Variants in RHEX observed in about 807,000 individuals in gnomAD.
The protein encoded by RHEX is regulator of hemoglobinization and erythroid cell expansion.
Under a neutral mutation model 20.1 loss-of-function variants are expected in RHEX, and 18 were observed. The ratio of observed to expected loss-of-function variants is 0.90; its 90% CI spans 0.62 to 1.33. The LOEUF (loss-of-function observed/expected upper bound fraction) is 1.33, where lower values mean the gene tolerates loss of function less well. Ranked by LOEUF, RHEX falls within the 40% of genes most tolerant of loss-of-function variation. RHEX has a pLI of 0.00. For synonymous variants in RHEX, 87 were observed against 77.1 expected, an observed-to-expected ratio of 1.13 and a Z score of -0.67; for missense variants, 192 against 214.3, an observed-to-expected ratio of 0.90 and a Z score of 0.65.
chr1:206,097,040 G>T (rs1442605737), intron 1 of RHEX, among the ~76,000 whole-genome samples: 1 of 152,118 alleles, frequency 6.6e-6, no homozygotes, highest in African/African-American at 2.4e-5. Flanking sequence ...CTCCAAAAGT[G>T]CTGGGATTAC....
chr1:206,078,369 G>A (rs573368080), intron 1 of RHEX, among the ~76,000 whole-genome samples: 3 of 152,064 alleles, frequency 2.0e-5, no homozygotes, highest in East Asian at 1.9e-4. Flanking sequence ...GTGAGACCTC[G>A]TAGCTACAAA....
chr1:206,099,603 GCTA>G (rs78075843), intron 3 of RHEX, 49 bp from the exon 4 acceptor site: 41,179 of 1,582,336 alleles, frequency 0.026, 745 homozygotes, highest in Admixed American at 0.07. Flanking sequence ...ACAGGCATGA[GCTA>G]CTGCGCCTGG....
chr1:206,070,239 C>T (rs1397334160), intron 1 of RHEX, among the ~76,000 whole-genome samples: 2 of 152,110 alleles, frequency 1.3e-5, no homozygotes, highest in South Asian at 2.1e-4. Context: ...GCCCCTCACC[C>T]GCCTGGCAGG....
intron 3 of RHEX, among the ~76,000 whole-genome samples, chr1:206,098,850 G>A (rs782486884): frequency 2.0e-5 from 3 of 152,084 alleles, no homozygotes; most frequent in Non-Finnish European, 4.4e-5. Context: ...TCCTACCCCC[G>A]GAATCTTTCA....
At chr1:206,060,294 G>T (rs555050700) in intron 1 of RHEX, 30 of 151,970 alleles carry the variant, frequency 2.0e-4, no homozygotes, top group Middle Eastern at 3.4e-3. Context: ...ACAATAAACA[G>T]TAGCTAATAT....
At chr1:206,088,217 C>T (rs545964863) in intron 1 of RHEX, among the ~76,000 whole-genome samples, 7 of 152,204 alleles carry the variant, frequency 4.6e-5, no homozygotes, top group African/African-American at 9.6e-5. Context: ...GAAAGTATAA[C>T]AAATGAAATA....
chr1:206,060,082 T>C (rs1325683008), intron 1 of RHEX, among the ~76,000 whole-genome samples: 1 of 152,144 alleles, frequency 6.6e-6, no homozygotes, highest in Non-Finnish European at 1.5e-5. Flanking sequence ...GAATATACTG[T>C]GTATGAACAC....
At chr1:206,054,134 A>T (rs1461381671) in intron 1 of RHEX, among the ~76,000 whole-genome samples, 2 of 152,232 alleles carry the variant, frequency 1.3e-5, no homozygotes, top group African/African-American at 2.4e-5. Context: ...TTCAAAAAAA[A>T]AAAAAAGTGG....
intron 1 of RHEX, among the ~76,000 whole-genome samples, chr1:206,055,673 A>G (rs1255317285): frequency 6.6e-6 from 1 of 152,278 alleles, no homozygotes; most frequent in Non-Finnish European, 1.5e-5. Context: ...GATAAACTGC[A>G]TCTATTACAC....
At chr1:206,063,015 T>C (rs1253607347) in intron 1 of RHEX, among the ~76,000 whole-genome samples, 1 of 152,154 alleles carries the variant, frequency 6.6e-6, no homozygotes, top group Non-Finnish European at 1.5e-5. Context: ...AAAGCAAGCA[T>C]TCCCTACCCT....
intron 1 of RHEX, among the ~76,000 whole-genome samples, chr1:206,092,308 A>G (rs557350700): frequency 1.3e-5 from 2 of 152,364 alleles, no homozygotes; most frequent in African/African-American, 2.4e-5. Flanking sequence ...ACTATTTCAC[A>G]TAGCTCATCT....
At chr1:206,058,171 T>A (rs1171769462) in intron 1 of RHEX, among the ~76,000 whole-genome samples, 1 of 152,248 alleles carries the variant, frequency 6.6e-6, no homozygotes, top group Non-Finnish European at 1.5e-5. Flanking sequence ...TGGAAATTGG[T>A]TCCCAGCAAT....
chr1:206,083,663 T>C (rs1231866925), intron 1 of RHEX: 1 of 982,932 alleles, frequency 1.0e-6, no homozygotes, highest in Non-Finnish European at 1.2e-6. Flanking sequence ...AAGTACTGTC[T>C]ATGGAGACAG....
At chr1:206,083,549 C>G in intron 1 of RHEX, 2 of 985,376 alleles carry the variant, frequency 2.0e-6, no homozygotes, top group Non-Finnish European at 2.4e-6. Context: ...TCCAGTGACA[C>G]AGAAGCTTCT....
intron 1 of RHEX, among the ~76,000 whole-genome samples, chr1:206,078,724 G>A (rs1230413207): frequency 6.6e-6 from 1 of 152,162 alleles, no homozygotes; most frequent in Non-Finnish European, 1.5e-5. Flanking sequence ...TGTATGGAGT[G>A]AGACTTTTAA....
intron 1 of RHEX, among the ~76,000 whole-genome samples, chr1:206,084,969 C>T (rs1553286300): frequency 1.3e-5 from 2 of 152,090 alleles, no homozygotes; most frequent in East Asian, 1.9e-4. Flanking sequence ...CTCCCCCCAA[C>T]CCCCGGGTTG....
intron 1 of RHEX, among the ~76,000 whole-genome samples, chr1:206,063,030 T>A (rs968567136): frequency 6.6e-6 from 1 of 152,156 alleles, no homozygotes; most frequent in African/African-American, 2.4e-5. Context: ...TACCCTACAC[T>A]TCCTTGTAAG....
chr1:206,092,514 C>T (rs781899887), intron 1 of RHEX, among the ~76,000 whole-genome samples: 1 of 152,144 alleles, frequency 6.6e-6, no homozygotes, highest in East Asian at 1.9e-4. Flanking sequence ...TGGCTAGATA[C>T]CATGCTCCTT....
At chr1:206,078,621 A>G (rs781823642) in intron 1 of RHEX, among the ~76,000 whole-genome samples, 5 of 152,198 alleles carry the variant, frequency 3.3e-5, no homozygotes, top group Non-Finnish European at 5.9e-5. Context: ...AGTGTTTTCT[A>G]GGTAACAGAG....
Sources: allele counts gnomAD v4.1 joint callset (sites outside exome capture counted in the v4.1 genomes callset), GRCh38; gene constraint gnomAD v4.1.1; transcripts MANE v1.5; gene names NCBI Gene and HGNC (gene_info 2026-07-23, HGNC 2026-07-21).